The following ZMIZ1 variants were observed in gnomAD, a reference collection of about 807,000 sequenced individuals.
The protein encoded by ZMIZ1 is zinc finger MIZ-type containing 1.
In ZMIZ1, 17 loss-of-function variants were observed where a neutral mutation model predicts 113.9. The ratio of observed to expected loss-of-function variants is 0.15; its 90% CI spans 0.10 to 0.22. ZMIZ1 has a LOEUF of 0.22. ZMIZ1 is among the 10% of genes least tolerant of loss of function. The probability of loss-of-function intolerance (pLI) is 1.00; values close to 1 mark genes in which losing one functional copy is unlikely to be tolerated. For synonymous variants in ZMIZ1, 607 were observed against 603.1 expected (o/e 1.01, Z -0.09); for missense variants, 1,059 against 1,477.8 (o/e 0.72, Z 4.65).
At chr10:79,266,645 C>G (rs1339499657) in intron 7 of ZMIZ1, among the ~76,000 whole-genome samples, 2 of 152,150 alleles carry the variant, frequency 1.3e-5, no homozygotes, top group African/African-American at 2.4e-5. Context: ...CCCTGGTCTC[C>G]TGGGGCCCAG....
At chr10:79,304,260 C>G (rs904526814) in intron 19 of ZMIZ1, 85 bp downstream of exon 19, 3 of 1,523,242 alleles carry the variant, frequency 2.0e-6, no homozygotes, top group Non-Finnish European at 1.8e-6. Context: ...GGCAACAGAG[C>G]CTGTCCTAAC....
intron 1 of ZMIZ1, among the ~76,000 whole-genome samples, chr10:79,082,985 A>G (rs759683620): frequency 2.0e-5 from 3 of 152,122 alleles, no homozygotes; most frequent in Non-Finnish European, 4.4e-5. Context: ...GGATTCATGT[A>G]TTCCTTTGTC....
intron 7 of ZMIZ1, among the ~76,000 whole-genome samples, chr10:79,256,338 T>A (rs1400256263): frequency 6.6e-6 from 1 of 152,168 alleles, no homozygotes; most frequent in African/African-American, 2.4e-5. Flanking sequence ...TCTATGCTCC[T>A]GGCCTGGCAC....
At position 79,278,587 on chromosome 10, in the gene ZMIZ1, C is replaced by T. The variant is rs1852459541; in HGVS notation, c.425+1262C>T. 2.0e-5 allele frequency among the ~76,000 whole-genome samples: 3 copies of T among 151,102 alleles called. No homozygotes were observed. In the South Asian group the frequency reaches 6.3e-4, roughly 32 times the overall value. On this transcript the variant is annotated intron_variant, in intron 8 of 24. Transcript: ENST00000334512. Reference sequence around the variant, plus strand: ...TTTCCTAGGCAGAGGGTCCTGCCGCCCTCCGCAGTGTTTGTGTCCCTGGGT... The same window carrying T: ...TTTCCTAGGCAGAGGGTCCTGCCGCTCTCCGCAGTGTTTGTGTCCCTGGGT...
intron 1 of ZMIZ1, among the ~76,000 whole-genome samples, chr10:79,112,155 G>A (rs1369984216): frequency 2.0e-5 from 3 of 152,228 alleles, no homozygotes; most frequent in African/African-American, 7.2e-5. Flanking sequence ...CGTGCTGGCA[G>A]TGGGGAGTCA....
chr10:79,072,453 C>T (rs182602183), intron 1 of ZMIZ1, among the ~76,000 whole-genome samples: 9 of 152,212 alleles, frequency 5.9e-5, no homozygotes, highest in African/African-American at 1.9e-4. Flanking sequence ...TTCCTGATGG[C>T]GGGAGGGGTG....
intron 7 of ZMIZ1, among the ~76,000 whole-genome samples, chr10:79,246,815 GC>G (rs1438174249): frequency 6.6e-6 from 1 of 152,184 alleles, no homozygotes; most frequent in East Asian, 1.9e-4. Flanking sequence ...GAGCTCCCTG[GC>G]CAGACACCAC....
intron 7 of ZMIZ1, among the ~76,000 whole-genome samples, chr10:79,225,448 G>A (rs903710141): frequency 2.0e-5 from 3 of 152,110 alleles, no homozygotes; most frequent in African/African-American, 7.2e-5. Flanking sequence ...GGGAGGTGAT[G>A]GCCGGGTGCA....
At chr10:79,217,198 C>T (rs1250585) in intron 7 of ZMIZ1, among the ~76,000 whole-genome samples, 55,856 of 152,058 alleles carry the variant, frequency 0.37, 10,901 homozygotes, top group Non-Finnish European at 0.46. Context: ...CCGAGGCGAG[C>T]AGATCACGAG....
intron 4 of ZMIZ1, among the ~76,000 whole-genome samples, chr10:79,171,683 C>A (rs1185729135): frequency 6.6e-6 from 1 of 152,150 alleles, no homozygotes; most frequent in Non-Finnish European, 1.5e-5. Context: ...GTGTTGAGAT[C>A]AAAAGAGGAG....
Position 79,289,756 on chromosome 10 carries a change from CCTCT to C in ZMIZ1, c.426-18_426-15del. The C allele has an allele frequency of 6.2e-7, 1 of 1,608,478 alleles. No individual in the cohort carries two copies. Among genetic ancestry groups the C allele is most frequent in the Non-Finnish European group, 8.5e-7 (1 of 1,175,556 alleles). ...GTGCCTGCCAGGCCCTGAAGATCTC[CCTCT>C]GTCTCCCTCTGCAGTGATGGGTCGT... On this transcript the variant is annotated splice_polypyrimidine_tract_variant and intron_variant, in intron 8 of 24. Transcript: ENST00000334512.
intron 4 of ZMIZ1, among the ~76,000 whole-genome samples, chr10:79,165,627 T>TG (rs55734941): frequency 0.36 from 54,858 of 152,160 alleles, 10,397 homozygotes; most frequent in Middle Eastern, 0.42. Context: ...CAGACTGGCC[T>TG]GGGGGGCCCT....
intron 8 of ZMIZ1, among the ~76,000 whole-genome samples, chr10:79,279,297 G>A (rs1443528544): frequency 6.6e-6 from 1 of 151,792 alleles, no homozygotes; most frequent in Non-Finnish European, 1.5e-5. Context: ...GGTGGTGGCG[G>A]GGCAGAGACA....
In ZMIZ1 at chr10:79,208,448, C is replaced by T. The variant is rs574206272; in HGVS notation, c.173C>T (p.Thr58Met). ...GAGCAGAGCCTGATGGGCTGTTTGACGGTGAGTCTGCACCCTGTCCGCCTG... is the reference window on the plus strand; with the variant it reads ...GAGCAGAGCCTGATGGGCTGTTTGATGGTGAGTCTGCACCCTGTCCGCCTG... Reference protein sequence around the residue: ...PFEQSLMGCLTVVSRVAAQQG... With the variant: ...PFEQSLMGCLMVVSRVAAQQG... The change falls in exon 6 of 25, where the codon ACG becomes ATG. Residue 58 changes from threonine to methionine, a missense_variant and splice_region_variant. Around this residue, in one of 6 missense-constraint regions of ZMIZ1, gnomAD observed 272 missense variants for 350.4 expected, o/e 0.78. Transcript: ENST00000334512. The T allele has an allele frequency of 6.5e-5, 105 of 1,612,506 alleles. No homozygotes were observed. Among genetic ancestry groups the T allele is most frequent in the Non-Finnish European group, 8.4e-5 (99 of 1,179,676 alleles).
chr10:79,301,620 AC>A (rs71482721), intron 17 of ZMIZ1, among the ~76,000 whole-genome samples: 10 of 152,250 alleles, frequency 6.6e-5, no homozygotes, highest in Non-Finnish European at 1.3e-4. Context: ...CGGAGGCTAC[AC>A]AGAGATAGGG....
chr10:79,289,656 G>C (rs1009229682), intron 8 of ZMIZ1, 119 bp from the exon 9 acceptor site: 1 of 881,392 alleles, frequency 1.1e-6, no homozygotes, highest in South Asian at 1.6e-5. Flanking sequence ...GTACCGACTC[G>C]GATGGGGGTT....
intron 7 of ZMIZ1, among the ~76,000 whole-genome samples, chr10:79,242,175 G>T (rs73302199): frequency 1.3e-5 from 2 of 152,160 alleles, no homozygotes; most frequent in African/African-American, 2.4e-5. Flanking sequence ...GCAGAGAGGT[G>T]GGGGGTGAGC....
intron 7 of ZMIZ1, among the ~76,000 whole-genome samples, chr10:79,272,807 T>C (rs1043423184): frequency 1.3e-5 from 2 of 152,230 alleles, no homozygotes; most frequent in Non-Finnish European, 2.9e-5. Flanking sequence ...CGTTTTACGC[T>C]GAGACATTTG....
At chr10:79,202,194 A>G (rs1848120200) in intron 5 of ZMIZ1, among the ~76,000 whole-genome samples, 2 of 106,510 alleles carry the variant, frequency 1.9e-5, no homozygotes, top group Non-Finnish European at 4.5e-5. Flanking sequence ...TCTCAGAAAA[A>G]AAAAAAAAAA....
Sources: allele counts gnomAD v4.1 joint callset (sites outside exome capture counted in the v4.1 genomes callset), GRCh38; gene constraint gnomAD v4.1.1; regional missense constraint gnomAD v4.1.1; transcripts MANE v1.5; gene names NCBI Gene and HGNC (gene_info 2026-07-23, HGNC 2026-07-21).